BACH2: variants seen among roughly 807,000 people sequenced by gnomAD.
BACH2 encodes the protein transcription regulator protein BACH2.
A neutral mutation model predicts 61.8 loss-of-function variants in BACH2; 5 were observed. The ratio of observed to expected loss-of-function variants is 0.08; its 90% CI spans 0.04 to 0.17. The LOEUF is 0.17. Among genes scored for constraint, BACH2 ranks in the 10% least tolerant of loss-of-function variants. The probability of loss-of-function intolerance (pLI) is 1.00; values close to 1 mark genes in which losing one functional copy is unlikely to be tolerated. For synonymous variants in BACH2, 446 were observed against 440.1 expected (o/e 1.01, Z -0.17); for missense variants, 824 against 1,091.1 (o/e 0.76, Z 3.45).
intron 4 of BACH2, among the ~76,000 whole-genome samples, chr6:90,177,772 T>C (rs1362444356): frequency 8.5e-5 from 13 of 152,128 alleles, no homozygotes; most frequent in Admixed American, 8.5e-4. Context: ...ACTTTCCTCA[T>C]GGGGGAAATG....
chr6:90,197,879 CA>C (rs1419843260), intron 4 of BACH2, among the ~76,000 whole-genome samples: 1 of 152,132 alleles, frequency 6.6e-6, no homozygotes, highest in Admixed American at 6.5e-5. Flanking sequence ...AACAAGATTC[CA>C]AAACCAACAA....
intron 3 of BACH2, among the ~76,000 whole-genome samples, chr6:90,216,984 C>G (rs1769559929): frequency 6.6e-6 from 1 of 152,150 alleles, no homozygotes; most frequent in Non-Finnish European, 1.5e-5. Context: ...TATGGGTAGA[C>G]TTAAAATCAT....
intron 5 of BACH2, among the ~76,000 whole-genome samples, chr6:90,030,082 T>G (rs1023904094): frequency 5.9e-5 from 9 of 152,210 alleles, no homozygotes; most frequent in African/African-American, 2.2e-4. Flanking sequence ...ACAATGTGGA[T>G]CCTTGCAGAG....
At chr6:90,233,527 G>T (rs1268112292) in intron 3 of BACH2, among the ~76,000 whole-genome samples, 2 of 152,130 alleles carry the variant, frequency 1.3e-5, no homozygotes, top group African/African-American at 4.8e-5. Context: ...ATATGACCCT[G>T]GACAAGGTAT....
chr6:89,993,417 A>T (rs1776682952), intron 6 of BACH2, among the ~76,000 whole-genome samples: 1 of 152,148 alleles, frequency 6.6e-6, no homozygotes, highest in South Asian at 2.1e-4. Context: ...ACTGTGATTT[A>T]AAAAAAGTGA....
At chr6:89,933,432 C>G (rs1374451848) in intron 8 of BACH2, among the ~76,000 whole-genome samples, 1 of 152,076 alleles carries the variant, frequency 6.6e-6, no homozygotes. Context: ...TGAAGCCACT[C>G]TGTATGACAC....
intron 7 of BACH2, among the ~76,000 whole-genome samples, chr6:89,938,833 G>A (rs1773194432): frequency 6.6e-6 from 1 of 152,156 alleles, no homozygotes; most frequent in Non-Finnish European, 1.5e-5. Context: ...AATAGCATAT[G>A]GGAGATAGGA....
At chr6:90,295,488 G>T (rs574672699) in intron 1 of BACH2, among the ~76,000 whole-genome samples, 3 of 152,210 alleles carry the variant, frequency 2.0e-5, no homozygotes, top group South Asian at 4.1e-4. Context: ...GCCCGTGAGC[G>T]CCGCCCGCCG....
chr6:90,214,777 T>TC (rs1491329830), intron 3 of BACH2, among the ~76,000 whole-genome samples: 1 of 132,376 alleles, frequency 7.6e-6, no homozygotes, highest in Non-Finnish European at 1.5e-5. Context: ...TTTTTTTTTT[T>TC]CTGAGACAGG....
chr6:89,948,494 C>T (rs1773881086), intron 7 of BACH2, among the ~76,000 whole-genome samples: 1 of 152,178 alleles, frequency 6.6e-6, no homozygotes, highest in South Asian at 2.1e-4. Flanking sequence ...AGGCCTGAGC[C>T]ACCATGCCCG....
At chr6:89,995,554 C>T (rs372637431) in intron 6 of BACH2, among the ~76,000 whole-genome samples, 2 of 152,282 alleles carry the variant, frequency 1.3e-5, no homozygotes, top group South Asian at 2.1e-4. Context: ...TCTGACTTAT[C>T]GCTTGTGACA....
chr6:90,039,542 G>A (rs1288998037), intron 5 of BACH2, among the ~76,000 whole-genome samples: 1 of 152,044 alleles, frequency 6.6e-6, no homozygotes, highest in African/African-American at 2.4e-5. Flanking sequence ...GTGCTACCAC[G>A]GCCGGCTAAT....
intron 4 of BACH2, among the ~76,000 whole-genome samples, chr6:90,188,885 C>T (rs1768457135): frequency 6.6e-6 from 1 of 151,830 alleles, no homozygotes; most frequent in South Asian, 2.1e-4. Flanking sequence ...CTCCTCTTGA[C>T]CTTAAATTGT....
intron 5 of BACH2, among the ~76,000 whole-genome samples, chr6:90,056,136 G>C (rs890930191): frequency 6.6e-6 from 1 of 152,168 alleles, no homozygotes; most frequent in African/African-American, 2.4e-5. Context: ...AACTTTAAAT[G>C]TAAATGGGCT....
Position 89,929,175 on chromosome 6 carries a change from A to C in BACH2, c.*3233T>G, listed in dbSNP as rs1224660711. The C allele has an allele frequency of 6.6e-6, 1 of 152,408 alleles. No individual in the cohort carries two copies. Among genetic ancestry groups the C allele is most frequent in the African/African-American group, 2.4e-5 (1 of 41,450 alleles). The allele number at this position is 152,408 out of a possible 1,614,324, so 9.4% of individuals were successfully genotyped here. A position where few individuals can be genotyped will look rare whatever the true frequency, so the allele number is the denominator to read the frequency against. Reference sequence around the variant, plus strand: ...TGGAGACCCAAGCAGGCATCCTCCTAAACAGCCCGTGGTTGGAGGGTCTCT... The same window carrying C: ...TGGAGACCCAAGCAGGCATCCTCCTCAACAGCCCGTGGTTGGAGGGTCTCT... On this transcript the variant is annotated 3_prime_UTR_variant, in exon 9 of 9. Transcript: ENST00000257749.
chr6:89,955,180 A>C (rs1322610198), intron 6 of BACH2, among the ~76,000 whole-genome samples: 2 of 152,230 alleles, frequency 1.3e-5, no homozygotes, highest in Non-Finnish European at 2.9e-5. Context: ...GGTCAGTGCT[A>C]GTCAGTGGAG....
At chr6:90,241,134 C>CAA (rs1180464043) in intron 3 of BACH2, among the ~76,000 whole-genome samples, 36 of 56,274 alleles carry the variant, frequency 6.4e-4, no homozygotes, top group Non-Finnish European at 1.2e-3. Flanking sequence ...GACTCCAACT[C>CAA]AAAAAAAAAA....
intron 6 of BACH2, among the ~76,000 whole-genome samples, chr6:89,997,569 G>A (rs955592685): frequency 6.6e-6 from 1 of 152,204 alleles, no homozygotes; most frequent in Non-Finnish European, 1.5e-5. Context: ...ACATCAGAAC[G>A]CCTCTCATGG....
At chr6:90,139,129 T>C (rs761841298) in intron 4 of BACH2, among the ~76,000 whole-genome samples, 2 of 152,238 alleles carry the variant, frequency 1.3e-5, no homozygotes, top group Admixed American at 6.5e-5. Context: ...AAGGCCTTTA[T>C]GAATCCATCA....
Sources: allele counts gnomAD v4.1 joint callset (sites outside exome capture counted in the v4.1 genomes callset), GRCh38; gene constraint gnomAD v4.1.1; transcripts MANE v1.5; gene names NCBI Gene and HGNC (gene_info 2026-07-23, HGNC 2026-07-21).